TFB1M: variants seen among roughly 807,000 people sequenced by gnomAD.
TFB1M encodes the protein transcription factor B1, mitochondrial, also known as dimethyladenosine transferase 1, mitochondrial.
In TFB1M, 27 loss-of-function variants were observed where a neutral mutation model predicts 31.1. That is an observed-to-expected ratio of 0.87 (90% CI 0.64 to 1.20). TFB1M has a LOEUF of 1.20. Ranked by LOEUF, TFB1M falls within the 50% of genes most tolerant of loss-of-function variation. The pLI is 0.00. For synonymous variants in TFB1M, 166 were observed against 151.8 expected (o/e 1.09, Z -0.69); for missense variants, 394 against 418.7 (o/e 0.94, Z 0.51).
In TFB1M at chr6:155,256,433, A is replaced by C. The variant is rs770797080; in HGVS notation, c.*1403T>G. 6.2e-7 allele frequency: 1 copy of C among 1,611,274 alleles called. No homozygotes were observed. Among genetic ancestry groups the C allele is most frequent in the African/African-American group, 1.3e-5 (1 of 74,828 alleles). ...ACAAGCTTTGAGGCAAACATTACACATTGTGTAACCTGTTTCTGTATCACA... is the reference window on the plus strand; with the variant it reads ...ACAAGCTTTGAGGCAAACATTACACCTTGTGTAACCTGTTTCTGTATCACA... On this transcript the variant is annotated 3_prime_UTR_variant, in exon 7 of 7. Transcript: ENST00000367166.
At chr6:155,263,879 T>G (rs568477007) in intron 5 of TFB1M, 2 of 144,988 alleles carry the variant, frequency 1.4e-5, no homozygotes, top group South Asian at 4.4e-4. Flanking sequence ...GATGAAAAAA[T>G]GATGAGGAAG....
At chr6:155,254,018 A>G (rs1360884624), downstream of TFB1M, 1 of 1,614,192 alleles carries the variant, frequency 6.2e-7, no homozygotes, top group Non-Finnish European at 8.5e-7. Context: ...ACGAAGTCAG[A>G]AATAGAAGGA....
intron 2 of TFB1M, among the ~76,000 whole-genome samples, chr6:155,306,779 G>A (rs1383903017): frequency 6.6e-6 from 1 of 152,138 alleles, no homozygotes; most frequent in Non-Finnish European, 1.5e-5. Flanking sequence ...GACGATGAGT[G>A]TTTATTTTCT....
At chr6:155,261,563 A>T (rs1341426222) in intron 5 of TFB1M, among the ~76,000 whole-genome samples, 1 of 152,212 alleles carries the variant, frequency 6.6e-6, no homozygotes, top group Non-Finnish European at 1.5e-5. Context: ...CTTTATGGAC[A>T]AGAAAGTGAA....
intron 5 of TFB1M, 124 bp downstream of exon 5, chr6:155,285,034 T>G: frequency 7.9e-7 from 1 of 1,270,722 alleles, no homozygotes; most frequent in Non-Finnish European, 1.1e-6. Flanking sequence ...TATTCAGAAG[T>G]AAAGTACAGT....
intron 1 of TFB1M, 117 bp from the exon 2 acceptor site, chr6:155,311,456 T>C (rs1030306693): frequency 7.0e-5 from 57 of 817,956 alleles, no homozygotes; most frequent in Non-Finnish European, 1.1e-4. Flanking sequence ...TGATCCTTTA[T>C]GTATAATATT....
chr6:155,254,075 C>T, downstream of TFB1M: 1 of 1,608,932 alleles, frequency 6.2e-7, no homozygotes, highest in Non-Finnish European at 8.5e-7. Flanking sequence ...GACTGACTTC[C>T]AAAGATTAAA....
At chr6:155,293,157 T>TGATA (rs1554255949) in intron 4 of TFB1M, among the ~76,000 whole-genome samples, 1 of 151,356 alleles carries the variant, frequency 6.6e-6, no homozygotes, top group South Asian at 2.1e-4. Context: ...ACTTTAAATA[T>TGATA]CATACATACA....
chr6:155,268,921 C>A (rs1405749378), intron 5 of TFB1M, among the ~76,000 whole-genome samples: 2 of 131,178 alleles, frequency 1.5e-5, no homozygotes, highest in Admixed American at 1.7e-4. Flanking sequence ...TCCCCCTCTG[C>A]GAGAAACACC....
chr6:155,296,426 A>ATTTTTTTT (rs71023639), intron 4 of TFB1M, among the ~76,000 whole-genome samples: 1,280 of 103,296 alleles, frequency 0.012, no homozygotes, highest in East Asian at 0.033. Context: ...CACCCAGCTA[A>ATTTTTTTT]TTTTTTTTTT....
chr6:155,291,448 G>A (rs1776920973), intron 4 of TFB1M, among the ~76,000 whole-genome samples: 1 of 152,196 alleles, frequency 6.6e-6, no homozygotes, highest in Non-Finnish European at 1.5e-5. Flanking sequence ...GGTTCATGAA[G>A]AGGAAATGAC....
intron 2 of TFB1M, among the ~76,000 whole-genome samples, chr6:155,308,613 A>G (rs1308165297): frequency 6.6e-6 from 1 of 152,146 alleles, no homozygotes; most frequent in Non-Finnish European, 1.5e-5. Context: ...AAACTATACT[A>G]TACTAAACAT....
chr6:155,245,493 A>G, the TFB1M span: 1 of 740,354 alleles, frequency 1.4e-6, no homozygotes. Context: ...GTGTGGATGG[A>G]GCAGGTTTGA....
intron 2 of TFB1M, among the ~76,000 whole-genome samples, chr6:155,307,279 A>C (rs906412553): frequency 5.3e-5 from 8 of 152,150 alleles, no homozygotes; most frequent in Non-Finnish European, 7.4e-5. Flanking sequence ...GCTCGTTTTC[A>C]TGCTGCTGCT....
At chr6:155,237,898 C>T in the TFB1M span, among the ~76,000 whole-genome samples, 5 of 152,240 alleles carry the variant, frequency 3.3e-5, no homozygotes, top group Non-Finnish European at 5.9e-5. Context: ...GCCCTGGAGA[C>T]ATTTTCATCA....
At chr6:155,252,888 C>T (rs1783753986), downstream of TFB1M, 3 of 1,458,442 alleles carry the variant, frequency 2.1e-6, no homozygotes. Context: ...TCACTGTGCA[C>T]ACATCCTCCC....
chr6:155,257,926 G>A lies in TFB1M; in HGVS notation c.951C>T (p.Leu317=). 1 of 1,614,156 alleles carries A rather than the reference G, an allele frequency of 6.2e-7. No homozygotes were observed. The highest frequency in any genetic ancestry group is 1.3e-5 in the African/African-American group (1 of 75,034). Residue 317 remains leucine (L), a synonymous_variant, in exon 7 of 7, where the codon CTC becomes CTT. Transcript: ENST00000367166. The part of the protein sequence containing the change: ...YRKMCDEDPQ[L]FAYNFREELK... ...GTTCTTCTCTGAAATTATATGCAAA[G>A]AGTTGTGGGTCTTCATCACACATTT...
the TFB1M span, among the ~76,000 whole-genome samples, chr6:155,249,513 T>C: frequency 6.6e-6 from 1 of 152,244 alleles, no homozygotes; most frequent in Non-Finnish European, 1.5e-5. Flanking sequence ...CTTTGAGTTA[T>C]TGCGGGCACT....
At chr6:155,292,662 T>C (rs930035011) in intron 4 of TFB1M, among the ~76,000 whole-genome samples, 4 of 151,958 alleles carry the variant, frequency 2.6e-5, no homozygotes, top group Non-Finnish European at 5.9e-5. Flanking sequence ...CTCATCAGCA[T>C]TAAAAAAAAT....
Sources: allele counts gnomAD v4.1 joint callset (sites outside exome capture counted in the v4.1 genomes callset), GRCh38; gene constraint gnomAD v4.1.1; transcripts MANE v1.5; gene names NCBI Gene and HGNC (gene_info 2026-07-23, HGNC 2026-07-21).